TRAPPC9: variants seen among roughly 807,000 people sequenced by gnomAD.
TRAPPC9 encodes the protein IKK2 binding protein.
TRAPPC9 carries 83 observed loss-of-function variants against 124.0 expected under a neutral mutation model. That is an observed-to-expected ratio of 0.67 (90% CI 0.56 to 0.80). The LOEUF (loss-of-function observed/expected upper bound fraction) is 0.80. TRAPPC9 is among the 30% of genes least tolerant of loss of function. The pLI, the probability that TRAPPC9 is intolerant of heterozygous loss-of-function variation, is 0.00. For synonymous variants in TRAPPC9, 638 were observed against 617.5 expected (o/e 1.03, Z -0.49); for missense variants, 1,302 against 1,508.3 (o/e 0.86, Z 2.27).
At chr8:140,232,599 G>C (rs1465758371) in intron 16 of TRAPPC9, among the ~76,000 whole-genome samples, 2 of 152,164 alleles carry the variant, frequency 1.3e-5, no homozygotes, top group Non-Finnish European at 2.9e-5. Context: ...CCTCTGACCT[G>C]AGGAAAGACA....
At chr8:139,886,318 G>C (rs1164496012) in intron 20 of TRAPPC9, among the ~76,000 whole-genome samples, 1 of 152,202 alleles carries the variant, frequency 6.6e-6, no homozygotes, top group South Asian at 2.1e-4. Context: ...ATGCAAACTG[G>C]TTCACTGTTC....
At chr8:139,879,231 G>A (rs1829530050) in intron 21 of TRAPPC9, among the ~76,000 whole-genome samples, 1 of 152,214 alleles carries the variant, frequency 6.6e-6, no homozygotes, top group Non-Finnish European at 1.5e-5. Flanking sequence ...GTGGGGCGCA[G>A]GGAACACGGC....
chr8:140,225,548 C>T (rs909116045), intron 16 of TRAPPC9, among the ~76,000 whole-genome samples: 1 of 152,158 alleles, frequency 6.6e-6, no homozygotes, highest in Non-Finnish European at 1.5e-5. Context: ...AAAATCTCTC[C>T]ACGACACCAT....
Position 140,087,471 on chromosome 8 carries a change from C to A in TRAPPC9, c.2557-63392G>T, listed in dbSNP as rs1003331585. Among the ~76,000 whole-genome samples the A allele has an allele frequency of 2.0e-5, 3 of 152,232 alleles. No homozygotes were observed. The highest frequency in any genetic ancestry group is 7.2e-5 in the African/African-American group (3 of 41,460). ...AGCCCCGCTGAAGAGCCGAACGGTG[C>A]TCACACATGACTCGCCTGAAGAATA... On this transcript the variant is annotated intron_variant, in intron 17 of 22. Coordinates refer to ENST00000438773, the MANE Select transcript of TRAPPC9 (RefSeq NM_001160372.4). The surrounding 1 kb of genome is among the most constrained non-coding windows in gnomAD (Gnocchi z 4.6).
At chr8:140,272,130 C>CAATGATGATGGTGGTGGT (rs1450234909) in intron 15 of TRAPPC9, among the ~76,000 whole-genome samples, 1 of 100,382 alleles carries the variant, frequency 1.0e-5, no homozygotes, top group African/African-American at 3.4e-5. Context: ...GTGATGGTGG[C>CAATGATGATGGTGGTGGT]GATGGTGATG....
intron 20 of TRAPPC9, 133 bp downstream of exon 20, chr8:139,910,014 A>T: frequency 9.5e-7 from 1 of 1,048,982 alleles, no homozygotes. Context: ...TTTGGTCCAC[A>T]TCTCCTTGCC....
At chr8:139,996,623 A>C (rs899745967) in intron 18 of TRAPPC9, among the ~76,000 whole-genome samples, 1 of 152,214 alleles carries the variant, frequency 6.6e-6, no homozygotes, top group African/African-American at 2.4e-5. Flanking sequence ...AAAGAAGAAA[A>C]TAACATGCCA....
intron 21 of TRAPPC9, among the ~76,000 whole-genome samples, chr8:139,774,325 G>A (rs1821203589): frequency 6.6e-6 from 1 of 152,222 alleles, no homozygotes; most frequent in Admixed American, 6.5e-5. Context: ...AGAAACCGGA[G>A]GATGGAGGCT....
intron 11 of TRAPPC9, among the ~76,000 whole-genome samples, chr8:140,298,362 C>T (rs2065870683): frequency 6.6e-6 from 1 of 152,154 alleles, no homozygotes; most frequent in African/African-American, 2.4e-5. Context: ...CTCATCAAGA[C>T]AATGTGCTGG....
intron 21 of TRAPPC9, among the ~76,000 whole-genome samples, chr8:139,764,780 C>G (rs1241103381): frequency 1.3e-5 from 2 of 152,152 alleles, no homozygotes; most frequent in East Asian, 3.9e-4. Context: ...GAGGTGACCC[C>G]TACCCCTGAG....
At chr8:139,845,099 T>G (rs1563858254) in intron 21 of TRAPPC9, among the ~76,000 whole-genome samples, 1 of 152,164 alleles carries the variant, frequency 6.6e-6, no homozygotes, top group African/African-American at 2.4e-5. Flanking sequence ...TTTCTCCAAT[T>G]TGAGGTAGCT....
chr8:139,910,095 G>A (rs1831619899), intron 20 of TRAPPC9, 52 bp downstream of exon 20: 29 of 1,609,876 alleles, frequency 1.8e-5, no homozygotes, highest in Non-Finnish European at 2.5e-5. Flanking sequence ...TTAGAGGTTG[G>A]AACCCTGGGC....
At chr8:140,419,337 G>A (rs912805638) in intron 5 of TRAPPC9, among the ~76,000 whole-genome samples, 152 of 148,980 alleles carry the variant, frequency 1.0e-3, no homozygotes, top group Non-Finnish European at 7.4e-4. Context: ...GCTGAGGCAG[G>A]AGAATGGCGT....
At chr8:140,273,507 C>A (rs2065022231) in intron 15 of TRAPPC9, among the ~76,000 whole-genome samples, 1 of 152,218 alleles carries the variant, frequency 6.6e-6, no homozygotes, top group Admixed American at 6.5e-5. Flanking sequence ...GCAGGTGAGG[C>A]TTGCAGTGAA....
chr8:140,350,721 G>A (rs2067542641), intron 9 of TRAPPC9, among the ~76,000 whole-genome samples: 1 of 152,124 alleles, frequency 6.6e-6, no homozygotes, highest in Non-Finnish European at 1.5e-5. Flanking sequence ...GGGCTCTGGG[G>A]TGGAAAAGTC....
chr8:140,440,238 T>C (rs2070963388), intron 2 of TRAPPC9, among the ~76,000 whole-genome samples: 2 of 152,196 alleles, frequency 1.3e-5, no homozygotes, highest in Non-Finnish European at 2.9e-5. Flanking sequence ...CAGGGTGCAG[T>C]GGCTCACGCC....
chr8:140,378,075 T>C (rs2068497841), intron 7 of TRAPPC9, among the ~76,000 whole-genome samples: 2 of 152,196 alleles, frequency 1.3e-5, no homozygotes, highest in Admixed American at 6.5e-5. Flanking sequence ...ATGTTTTCTG[T>C]TCACTGATTC....
intron 19 of TRAPPC9, chr8:139,916,520 G>A (rs2290928): frequency 0.4 from 60,465 of 152,132 alleles, 12,101 homozygotes; most frequent in African/African-American, 0.47. Context: ...TCCACTCCTC[G>A]GAACGCGGCA....
At chr8:140,307,703 T>C (rs2066175430) in intron 10 of TRAPPC9, among the ~76,000 whole-genome samples, 1 of 152,176 alleles carries the variant, frequency 6.6e-6, no homozygotes, top group African/African-American at 2.4e-5. Flanking sequence ...TGAGACACAC[T>C]TCCTGTTAAT....
Sources: allele counts gnomAD v4.1 joint callset (sites outside exome capture counted in the v4.1 genomes callset), GRCh38; gene constraint gnomAD v4.1.1; non-coding constraint Gnocchi (gnomAD v3.1); transcripts MANE v1.5; gene names NCBI Gene and HGNC (gene_info 2026-07-23, HGNC 2026-07-21).